The following MED12 variants were observed in gnomAD, a reference collection of about 807,000 sequenced individuals.
The protein encoded by MED12 is mediator of RNA polymerase II transcription subunit 12.
A neutral mutation model predicts 177.7 loss-of-function variants in MED12; 10 were observed. That is an observed-to-expected ratio of 0.06 (90% confidence interval 0.03 to 0.10). The LOEUF (loss-of-function observed/expected upper bound fraction) is 0.10. MED12 is among the 10% of genes least tolerant of loss of function. MED12 has a pLI of 1.00. For missense variants in MED12, 867 were observed against 1,780.8 expected, an observed-to-expected ratio of 0.49 and a Z score of 9.23; for synonymous variants, 641 against 678.4, an observed-to-expected ratio of 0.94 and a Z score of 0.86.
At position 71,120,937 on chromosome X, in the gene MED12, G is replaced by A. The variant is rs767587172; in HGVS notation, c.554-34G>A. 61 of 1,202,670 alleles carry A rather than the reference G, an allele frequency of 5.1e-5. No individual in the cohort carries two copies. The South Asian group carries it at 9.7e-4, about 19-fold the overall frequency. On this transcript the variant is annotated intron_variant, in intron 4 of 44. Coordinates refer to ENST00000374080, the MANE Select transcript of MED12 (RefSeq NM_005120.3). ...GAAGGATATTCTAAGCAGAAGGATA[G>A]TATCAAATAGCCCTTTTTCCCTCTT...
At position 71,125,153 on chromosome X, in the gene MED12, T is replaced by C. The variant is rs2092299566; in HGVS notation, c.2226+7T>C. 1 of 1,207,282 alleles carries C rather than the reference T, an allele frequency of 8.3e-7. No individual in the cohort carries two copies. Among genetic ancestry groups the C allele is most frequent in the Admixed American group, 2.2e-5 (1 of 45,565 alleles). Reference sequence around the variant, plus strand: ...CCATTTTCCCATCCCCCAGGTACTATTCCCCAGCACCTTGTGATGATCTGT... The same window carrying C: ...CCATTTTCCCATCCCCCAGGTACTACTCCCCAGCACCTTGTGATGATCTGT... On this transcript the variant is annotated splice_region_variant and intron_variant, in intron 15 of 44. Coordinates refer to ENST00000374080, the MANE Select transcript of MED12 (RefSeq NM_005120.3).
intron 1 of MED12, 128 bp from the exon 2 acceptor site, chrX:71,119,245 C>A (rs1024621813): frequency 4.4e-5 from 23 of 525,176 alleles, no homozygotes; most frequent in Non-Finnish European, 6.1e-5. Context: ...CTTTAAGTAA[C>A]GATCTGTTCT....
intron 10 of MED12, 60 bp downstream of exon 10, chrX:71,122,934 G>A: frequency 8.5e-7 from 1 of 1,177,522 alleles, no homozygotes; most frequent in Non-Finnish European, 1.2e-6. Context: ...ATATGTCTGA[G>A]AGGGAAGTCA....
intron 41 of MED12, among the ~76,000 whole-genome samples, chrX:71,139,117 T>G (rs376829053): frequency 8.9e-6 from 1 of 112,104 alleles, no homozygotes; most frequent in African/African-American, 3.2e-5. Context: ...ATGAGACTTA[T>G]AGAAGAATAT....
chrX:71,121,891 GGGTA>G, intron 7 of MED12, 75 bp downstream of exon 7: 8 of 1,183,374 alleles, frequency 6.8e-6, no homozygotes, highest in Non-Finnish European at 9.2e-6. Context: ...CAGAGAATAG[GGGTA>G]ATTCCAAATT....
chrX:71,125,817 T>A (rs2503119), intron 17 of MED12, 104 bp downstream of exon 17: 1 of 775,985 alleles, frequency 1.3e-6, no homozygotes, highest in Non-Finnish European at 2.0e-6. Context: ...TAGTCTGTGG[T>A]CCTCTAAACC....
chrX:71,124,693 A>G (rs774394240), intron 13 of MED12, 71 bp from the exon 14 acceptor site: 86 of 851,430 alleles, frequency 1.0e-4, no homozygotes, highest in Middle Eastern at 3.0e-4. Flanking sequence ...CACTTCCCCA[A>G]TGAAGTTTTA....
Position 71,131,960 on chromosome X carries a change from A to G in MED12, c.4120-113A>G, listed in dbSNP as rs1602301285. 6.1e-5 allele frequency: 43 copies of G among 706,135 alleles called. No homozygotes were observed. In the South Asian group the frequency reaches 7.9e-4, roughly 13 times the overall value. 58.2% of individuals were successfully genotyped at this position (706,135 alleles called of 1,213,427 possible). A position where few individuals can be genotyped will look rare whatever the true frequency, so the allele number is the denominator to read the frequency against. ...AACAGAGTTGCGTTCCTATCTCCCC[A>G]TCAATCTCCGCCAGTGTTGTCCTTC... On this transcript the variant is annotated intron_variant, in intron 29 of 44. Transcript: ENST00000374080.
At chrX:71,141,439 G>A in intron 43 of MED12, 69 bp downstream of exon 43, 1 of 1,138,830 alleles carries the variant, frequency 8.8e-7, no homozygotes, top group East Asian at 3.3e-5. Context: ...CAGTGAACTG[G>A]GTTGGGGACA....
At position 71,127,478 on chromosome X, in the gene MED12, TGG is replaced by T. The variant is rs1224420566; in HGVS notation, c.2981+12_2981+13del. ...TGGGGAGCTCTTCAGGTAAGAGAGGTGGAAGGTAAGGGGTAGCGAGTGGGACC... is the reference window on the plus strand; with the variant it reads ...TGGGGAGCTCTTCAGGTAAGAGAGGTAAGGTAAGGGGTAGCGAGTGGGACC... On this transcript the variant is annotated intron_variant, in intron 21 of 44. Transcript: ENST00000374080. 1 of 1,199,161 alleles carries T rather than the reference TGG, an allele frequency of 8.3e-7. No individual in the cohort carries two copies. The highest frequency in any genetic ancestry group is 1.8e-5 in the African/African-American group (1 of 56,880).
At chrX:71,134,331 T>C in intron 33 of MED12, 26 bp from the exon 34 acceptor site, 1 of 957,779 alleles carries the variant, frequency 1.0e-6, no homozygotes. Context: ...CTGAGCCATC[T>C]GACTGACTTG....
At position 71,125,465 on chromosome X, in the gene MED12, G is replaced by A. The variant is rs2092300526; in HGVS notation, c.2341G>A (p.Val781Ile). ...IKKITKDILK[V>I]LNRKGTAETD... ...GAAAATCACCAAGGATATCTTGAAGGTTCTGAACCGCAAAGGGACAGCAGA... is the reference window on the plus strand; with the variant it reads ...GAAAATCACCAAGGATATCTTGAAGATTCTGAACCGCAAAGGGACAGCAGA... The change falls in exon 16 of 45, where the codon GTT (valine) becomes ATT (isoleucine). Residue 781 changes from valine to isoleucine, a missense_variant. Physicochemically the swap from Val to Ile is conservative, Grantham distance 29. Around this residue, in one of 14 missense-constraint regions of MED12, gnomAD observed 309 missense variants for 556.3 expected, o/e 0.56. Coordinates refer to ENST00000374080, the MANE Select transcript of MED12 (RefSeq NM_005120.3). 2 of 1,208,412 alleles carry A rather than the reference G, an allele frequency of 1.7e-6. No individual in the cohort carries two copies. The highest frequency in any genetic ancestry group is 1.8e-5 in the African/African-American group (1 of 56,645).
At chrX:71,129,525 C>T in intron 26 of MED12, 96 bp downstream of exon 26, 4 of 950,464 alleles carry the variant, frequency 4.2e-6, no homozygotes, top group Non-Finnish European at 3.0e-6. Context: ...TGAAGGTGGT[C>T]TCTCTGACCT....
chrX:71,136,904 G>A lies in MED12; in HGVS notation c.5426G>A (p.Ser1809Asn). The A allele has an allele frequency of 8.3e-7, 1 of 1,211,057 alleles. No homozygotes were observed. Among genetic ancestry groups the A allele is most frequent in the South Asian group, 1.8e-5 (1 of 56,950 alleles). Reference sequence around the variant, plus strand: ...GACTATGGAATGGGCCCGGGTCGGAGCGGCCCTTATGGTGTGACAGTGCCT... The same window carrying A: ...GACTATGGAATGGGCCCGGGTCGGAACGGCCCTTATGGTGTGACAGTGCCT... ...TEDYGMGPGR[S>N]GPYGVTVPPD... Residue 1809 changes from serine to asparagine, a missense_variant, in exon 38 of 45, where the codon AGC (serine) becomes AAC (asparagine). Physicochemically the swap from Ser to Asn is conservative, Grantham distance 46 (BLOSUM62 1). This residue lies in a region of MED12 where 236 missense variants were observed against 345.2 expected (regional missense o/e 0.68). Coordinates refer to ENST00000374080, the MANE Select transcript of MED12 (RefSeq NM_005120.3).
chrX:71,126,876 C>A, intron 19 of MED12, 93 bp from the exon 20 acceptor site: 1 of 970,266 alleles, frequency 1.0e-6, no homozygotes, highest in Non-Finnish European at 1.5e-6. Context: ...GGAAGGGGCT[C>A]AGGCCCAGCC....
Position 71,123,097 on chromosome X carries a change from C to T in MED12, c.1488C>T (p.Ile496=). 8.3e-7 allele frequency: 1 copy of T among 1,211,448 alleles called. No individual in the cohort carries two copies. Among genetic ancestry groups the T allele is most frequent in the Non-Finnish European group, 1.1e-6 (1 of 895,279 alleles). Residue 496 remains isoleucine (I), a splice_region_variant and synonymous_variant, in exon 11 of 45, where the codon ATC becomes ATT. Transcript: ENST00000374080. ...GLGPSKDGHE[I]SSDDDAVVSL... is the part of the protein sequence containing the mutation. The stretch of plus-strand genomic sequence containing the variant: ...CCTTCTCTTCCTTTGTTCTCCAGAT[C>T]TCCTCAGATGATGATGCTGTGGTGT...
At chrX:71,119,305 C>A in intron 1 of MED12, 68 bp from the exon 2 acceptor site, 1 of 748,725 alleles carries the variant, frequency 1.3e-6, no homozygotes, top group Non-Finnish European at 2.0e-6. Flanking sequence ...TTTTCTCCTG[C>A]CCTACTCTCC....
At chrX:71,122,382 G>C (rs761338695) in intron 8 of MED12, 36 bp downstream of exon 8, 2 of 1,202,913 alleles carry the variant, frequency 1.7e-6, no homozygotes, top group African/African-American at 3.5e-5. Flanking sequence ...TCTCAGATTG[G>C]GCTATGAGGC....
intron 36 of MED12, among the ~76,000 whole-genome samples, chrX:71,135,571 C>T (rs1035946458): frequency 9.0e-6 from 1 of 111,399 alleles, no homozygotes; most frequent in East Asian, 2.8e-4. Context: ...TGGCCGACAG[C>T]CTGTATCTCT....
Sources: gnomAD v4.1 joint callset for allele counts (sites outside exome capture counted in the v4.1 genomes callset) on GRCh38, gnomAD v4.1.1 for gene constraint, gnomAD v4.1.1 regional missense constraint, MANE v1.5 for transcripts, NCBI Gene and HGNC (gene_info 2026-07-23, HGNC 2026-07-21) for gene names.